Variants in FOXM1 observed in about 807,000 individuals in gnomAD.
The protein encoded by FOXM1 is forkhead box M1, also known as forkhead box protein M1.
Under a neutral mutation model 63.6 loss-of-function variants are expected in FOXM1, and 25 were observed. The observed-to-expected ratio is 0.39, with a 90% confidence interval of 0.29 to 0.55. The LOEUF (loss-of-function observed/expected upper bound fraction) is 0.55, where lower values mean the gene tolerates loss of function less well. FOXM1 is among the 20% of genes least tolerant of loss of function. The pLI is 0.60. For synonymous variants in FOXM1, 387 were observed against 376.9 expected (o/e 1.03, Z -0.31); for missense variants, 879 against 958.7 (o/e 0.92, Z 1.10).
chr12:2,874,218 G>A lies in FOXM1; in HGVS notation c.261C>T (p.Ile87=), dbSNP rs11548398. The change falls in exon 2 of 9, where the codon ATC becomes ATT. Residue 87 remains isoleucine, a synonymous_variant. Transcript: ENST00000359843. The surrounding 1 kb of genome is among the most constrained non-coding windows in gnomAD (Gnocchi z 4.3). ...TTCCCTTGGCAGTCAGTGCTGTGAT[G>A]ATGCTGTGAATATTAGCATTGTTGG... ...AIPNNANIHS[I]ITALTAKGKE... 1 of 1,614,096 alleles carries A rather than the reference G, an allele frequency of 6.2e-7. No homozygotes were observed. The highest frequency in any genetic ancestry group is 8.5e-7 in the Non-Finnish European group (1 of 1,180,058).
chr12:2,865,433 A>T, intron 5 of FOXM1, 34 bp from the exon 6 acceptor site: 1 of 1,589,942 alleles, frequency 6.3e-7, no homozygotes, highest in South Asian at 1.1e-5. Flanking sequence ...GAGAGAAATG[A>T]GATGAAGTTA....
Position 2,864,039 on chromosome 12 carries a change from G to T in FOXM1, c.1266+281C>A, listed in dbSNP as rs117194954. ...TCTTTCTAAGGCCTGCCTCCCTTGT[G>T]TATCTTCCTTAATAATCCTAGCCCA... On this transcript the variant is annotated intron_variant, in intron 8 of 8. Coordinates refer to ENST00000359843, the MANE Select transcript of FOXM1 (RefSeq NM_021953.4). The surrounding 1 kb of genome is among the most constrained non-coding windows in gnomAD (Gnocchi z 5.1). 1.1e-3 allele frequency: 375 copies of T among 336,494 alleles called. No homozygotes were observed. Among genetic ancestry groups the T allele is most frequent in the Non-Finnish European group, 1.9e-3 (344 of 181,002 alleles). The allele number at this position is 336,494 out of a possible 1,614,324, so 20.8% of individuals were successfully genotyped here. A position where few individuals can be genotyped will look rare whatever the true frequency, so the allele number is the denominator to read the frequency against.
rs1425360029 is a variant in FOXM1 at position 2,866,415 on chromosome 12, A to G, written c.953T>C (p.Leu318Ser). 1 of 1,526,038 alleles carries G rather than the reference A, an allele frequency of 6.6e-7. No individual in the cohort carries two copies. The highest frequency in any genetic ancestry group is 2.2e-5 in the Admixed American group (1 of 44,780). The allele number at this position is 1,526,038 out of a possible 1,614,324, so 94.5% of individuals were successfully genotyped here. ...CACCTTAAACACCTGGTCCAATGTCAAGTAGCGGTTGGCACTGGGGTGAAT... is the reference window on the plus strand; with the variant it reads ...CACCTTAAACACCTGGTCCAATGTCGAGTAGCGGTTGGCACTGGGGTGAAT... ...WTIHPSANRY[L>S]TLDQVFKPLD... The change falls in exon 5 of 9, where the codon TTG becomes TCG. Residue 318 changes from leucine (L) to serine (S), a missense_variant. Around this residue, in one of 4 missense-constraint regions of FOXM1, gnomAD observed 62 missense variants for 118.2 expected, o/e 0.52. Coordinates refer to ENST00000359843, the MANE Select transcript of FOXM1 (RefSeq NM_021953.4).
At chr12:2,873,207 G>A (rs2098136117) in intron 2 of FOXM1, among the ~76,000 whole-genome samples, 1 of 152,026 alleles carries the variant, frequency 6.6e-6, no homozygotes, top group African/African-American at 2.4e-5. Context: ...AGACCAACCT[G>A]GCTAACATGG....
At position 2,858,397 on chromosome 12, in the gene FOXM1, C is replaced by T; in HGVS notation, c.*241G>A. On this transcript the variant is annotated 3_prime_UTR_variant, in exon 9 of 9. Transcript: ENST00000359843. ...GTTCCTAATCTCTTTTCACCATTGC[C>T]TTTGTTGTTCCCACCCTTCAGCTCC... 2.0e-6 allele frequency: 1 copy of T among 499,346 alleles called. No individual in the cohort carries two copies. Among genetic ancestry groups the T allele is most frequent in the African/African-American group, 1.9e-5 (1 of 52,640 alleles). 30.9% of individuals were successfully genotyped at this position (499,346 alleles called of 1,614,324 possible).
rs11310343 is a variant in FOXM1 at position 2,870,957 on chromosome 12, C to CAAAAAAAAAAAAAAA, written c.654+1124_654+1138dup. Among the ~76,000 whole-genome samples, 5 of 39,112 alleles carry CAAAAAAAAAAAAAAA rather than the reference C, an allele frequency of 1.3e-4. 1 individual carries two copies. Among genetic ancestry groups the CAAAAAAAAAAAAAAA allele is most frequent in the African/African-American group, 4.4e-4 (5 of 11,238 alleles). The allele number at this position is 39,112 out of a possible 152,430, so 25.7% of individuals were successfully genotyped here. On this transcript the variant is annotated intron_variant, in intron 3 of 8. Coordinates refer to ENST00000359843, the MANE Select transcript of FOXM1 (RefSeq NM_021953.4). ...TAGGAGACAGAGAAAGACTACGTCT[C>CAAAAAAAAAAAAAAA]AAAAAAAAAAAAAAAAAAAAAAAAA...
At chr12:2,876,751 G>C (rs766576460) in intron 1 of FOXM1, among the ~76,000 whole-genome samples, 169 bp downstream of exon 1, 2 of 152,198 alleles carry the variant, frequency 1.3e-5, no homozygotes, top group Non-Finnish European at 2.9e-5. Context: ...CGGCCAGGAG[G>C]TGGACGCAGA....
At position 2,859,530 on chromosome 12, in the gene FOXM1, C is replaced by T. The variant is rs768600295; in HGVS notation, c.1400G>A (p.Gly467Glu). 1 of 1,614,036 alleles carries T rather than the reference C, an allele frequency of 6.2e-7. No homozygotes were observed. The highest frequency in any genetic ancestry group is 1.1e-5 in the South Asian group (1 of 91,082). The change falls in exon 9 of 9, where the codon GGG becomes GAG. Residue 467 changes from glycine to glutamate, a missense_variant. By Grantham distance (98) the Gly-to-Glu change is moderately conservative. Coordinates refer to ENST00000359843, the MANE Select transcript of FOXM1 (RefSeq NM_021953.4). ...TCTCGCTAAGTGTGGCATTTCCTCC[C>T]CAGGCTGGATTTCTTCCTCCTTGAT... is the stretch of plus-strand genomic sequence containing the variant. ...QTIKEEEIQP[G>E]EEMPHLARPI...
chr12:2,876,800 C>G (rs1249837168), intron 1 of FOXM1, 120 bp downstream of exon 1: 1 of 152,450 alleles, frequency 6.6e-6, no homozygotes, highest in East Asian at 1.9e-4. Context: ...CCCGTGTGAC[C>G]CAAATCTCCA....
chr12:2,876,675 C>T (rs528554260), intron 1 of FOXM1, among the ~76,000 whole-genome samples: 1 of 152,248 alleles, frequency 6.6e-6, no homozygotes, highest in East Asian at 1.9e-4. Flanking sequence ...CCCGAGGCCG[C>T]GGGCAGGGTG....
chr12:2,876,569 G>C (rs1223787080), intron 1 of FOXM1: 1 of 152,384 alleles, frequency 6.6e-6, no homozygotes, highest in Non-Finnish European at 1.5e-5. Flanking sequence ...GGGAGCAGGG[G>C]AGTGTGTATG....
intron 8 of FOXM1, chr12:2,861,167 CAA>C (rs1216502555): frequency 0.021 from 8,117 of 377,850 alleles, no homozygotes; most frequent in South Asian, 0.032. Flanking sequence ...GACTCCGTCT[CAA>C]AAAAAAAAAA....
intron 8 of FOXM1, chr12:2,861,315 ATAAAAT>A (rs773460349): frequency 1.4e-6 from 1 of 734,124 alleles, no homozygotes; most frequent in Non-Finnish European, 2.5e-6. Context: ...ACAAAGAAAG[ATAAAAT>A]TAAACAAGCT....
At chr12:2,865,098 T>C (rs1433238858) in intron 6 of FOXM1, among the ~76,000 whole-genome samples, 1 of 152,180 alleles carries the variant, frequency 6.6e-6, no homozygotes, top group Non-Finnish European at 1.5e-5. Flanking sequence ...GCTGGTGCCA[T>C]GCGCTTGTGG....
At chr12:2,873,916 A>C in intron 2 of FOXM1, 61 bp downstream of exon 2, 3 of 1,530,306 alleles carry the variant, frequency 2.0e-6, no homozygotes, top group Non-Finnish European at 2.7e-6. Flanking sequence ...CTGACTACAC[A>C]CCTTGCCACT....
At chr12:2,875,094 G>C (rs1457382794) in intron 1 of FOXM1, among the ~76,000 whole-genome samples, 1 of 149,210 alleles carries the variant, frequency 6.7e-6, no homozygotes, top group African/African-American at 2.5e-5. Flanking sequence ...CTGGGTTTAA[G>C]CGAGTCCCAC....
chr12:2,861,180 A>AG, intron 8 of FOXM1: 1 of 585,740 alleles, frequency 1.7e-6, no homozygotes, highest in Non-Finnish European at 3.0e-6. Context: ...AAAAAAAAAA[A>AG]AAGAGCTCTC....
chr12:2,870,957 C>CAAAAAAAAAAAAAAAAAAAAAA (rs11310343), intron 3 of FOXM1, among the ~76,000 whole-genome samples: 1 of 39,126 alleles, frequency 2.6e-5, no homozygotes, highest in African/African-American at 8.9e-5. Flanking sequence ...GACTACGTCT[C>CAAAAAAAAAAAAAAAAAAAAAA]AAAAAAAAAA....
rs1186093036 is a variant in FOXM1 at position 2,874,260 on chromosome 12, C to A, written c.219G>T (p.Thr73=). 4 of 1,613,964 alleles carry A rather than the reference C, an allele frequency of 2.5e-6. No homozygotes were observed. The African/African-American group carries it at 5.3e-5, about 22-fold the overall frequency. ...KIINHPTMPN[T]QVVAIPNNAN... ...CATTGTTGGGGATGGCCACTACTTG[C>A]GTGTTGGGCATGGTGGGGTGGTTAA... The change falls in exon 2 of 9, where the codon ACG becomes ACT. Residue 73 remains threonine (T), a synonymous_variant. Transcript: ENST00000359843. This position sits in a 1 kb window ranked among gnomAD's most constrained non-coding sequence, Gnocchi z 4.3.
Sources: allele counts gnomAD v4.1 joint callset (sites outside exome capture counted in the v4.1 genomes callset), GRCh38; gene constraint gnomAD v4.1.1; regional missense constraint gnomAD v4.1.1; non-coding constraint Gnocchi (gnomAD v3.1); transcripts MANE v1.5; gene names NCBI Gene and HGNC (gene_info 2026-07-23, HGNC 2026-07-21).